Variants in ANKRD33B observed in about 807,000 individuals in gnomAD.
ANKRD33B encodes ankyrin repeat domain 33B, also known as ankyrin repeat domain-containing protein 33B.
Under a neutral mutation model 21.5 loss-of-function variants are expected in ANKRD33B, and 6 were observed. The observed-to-expected ratio is 0.28, with a 90% CI of 0.15 to 0.55. The LOEUF (loss-of-function observed/expected upper bound fraction) is 0.55. Among genes scored for constraint, ANKRD33B ranks in the 20% least tolerant of loss-of-function variants. The pLI is 0.94. For missense variants in ANKRD33B, 698 were observed against 747.2 expected, an observed-to-expected ratio of 0.93 and a Z score of 0.77; for synonymous variants, 347 against 342.4, an observed-to-expected ratio of 1.01 and a Z score of -0.15.
chr5:10,606,701 T>G (rs1303810441), intron 1 of ANKRD33B, among the ~76,000 whole-genome samples: 2 of 149,206 alleles, frequency 1.3e-5, no homozygotes, highest in East Asian at 4.1e-4. Flanking sequence ...GCCACTGCAC[T>G]CCAGCCTGGC....
chr5:10,566,287 G>A (rs1735054915), intron 1 of ANKRD33B, among the ~76,000 whole-genome samples: 1 of 152,176 alleles, frequency 6.6e-6, no homozygotes, highest in Admixed American at 6.5e-5. Context: ...CCCAGCCCTG[G>A]CGACAGATGC....
At chr5:10,648,194 C>T (rs867081075) in intron 3 of ANKRD33B, among the ~76,000 whole-genome samples, 2 of 152,174 alleles carry the variant, frequency 1.3e-5, no homozygotes, top group African/African-American at 4.8e-5. Context: ...TTTTTCTATC[C>T]TGGAAAAGCC....
rs912641806 is a variant in ANKRD33B, at chr5:10,652,348, C to T, written c.*2235C>T. On this transcript the variant is annotated 3_prime_UTR_variant, in exon 4 of 4. Coordinates refer to ENST00000296657, the MANE Select transcript of ANKRD33B (RefSeq NM_001164440.2). The surrounding 1 kb of genome is among the most constrained non-coding windows in gnomAD (Gnocchi z 4.1). The stretch of plus-strand genomic sequence containing the variant: ...CTGCAGCCCGCATTGAGAACCGCAG[C>T]TCTAACACAGTGATTGCGAGAGGAC... The T allele has an allele frequency of 1.3e-5, 2 of 152,472 alleles. No homozygotes were observed. Among genetic ancestry groups the T allele is most frequent in the African/African-American group, 4.8e-5 (2 of 41,468 alleles). 9.4% of individuals were successfully genotyped at this position (152,472 alleles called of 1,614,324 possible).
chr5:10,605,867 T>A (rs146380932), intron 1 of ANKRD33B, among the ~76,000 whole-genome samples: 1 of 152,224 alleles, frequency 6.6e-6, no homozygotes, highest in Admixed American at 6.5e-5. Context: ...GCCTTGCTAG[T>A]TCCTTTAAGT....
At chr5:10,593,877 C>G (rs954366952) in intron 1 of ANKRD33B, among the ~76,000 whole-genome samples, 4 of 152,222 alleles carry the variant, frequency 2.6e-5, no homozygotes, top group African/African-American at 9.6e-5. Context: ...TGCTGCAAGA[C>G]TACTCTTGGC....
At position 10,641,186 on chromosome 5, in the gene ANKRD33B, GTCTTCTTCTTAGTTGTCCCCAGTCT is replaced by G. The variant is rs1737046424; in HGVS notation, c.637+3029_637+3053del. Among the ~76,000 whole-genome samples the G allele has an allele frequency of 2.9e-5, 4 of 139,746 alleles. No homozygotes were observed. The South Asian group carries it at 9.5e-4, about 33-fold the overall frequency. The allele number at this position is 139,746 out of a possible 152,430, so 91.7% of individuals were successfully genotyped here. On this transcript the variant is annotated intron_variant, in intron 3 of 3. Coordinates refer to ENST00000296657, the MANE Select transcript of ANKRD33B (RefSeq NM_001164440.2). The stretch of plus-strand genomic sequence containing the variant: ...CCCTGCTGGGCTCCCACATTTAGTT[GTCTTCTTCTTAGTTGTCCCCAGTCT>G]TCTTCTTCTTCTTCTTTTTTTTTTT...
intron 1 of ANKRD33B, among the ~76,000 whole-genome samples, chr5:10,612,116 A>T (rs1426231968): frequency 6.6e-6 from 1 of 152,208 alleles, no homozygotes; most frequent in Non-Finnish European, 1.5e-5. Context: ...GTGTTGAGGG[A>T]TCTTAGAATT....
intron 1 of ANKRD33B, among the ~76,000 whole-genome samples, chr5:10,590,872 C>T (rs1164336332): frequency 6.6e-6 from 1 of 152,064 alleles, no homozygotes; most frequent in Non-Finnish European, 1.5e-5. Context: ...AGGATTTCCG[C>T]CTTCTTTCTG....
intron 3 of ANKRD33B, among the ~76,000 whole-genome samples, chr5:10,645,403 C>G (rs1045782635): frequency 1.3e-5 from 2 of 152,216 alleles, no homozygotes; most frequent in African/African-American, 4.8e-5. Flanking sequence ...TGGGCCTGGC[C>G]ATGGCTCCCA....
chr5:10,580,006 C>T (rs1017915527), intron 1 of ANKRD33B, among the ~76,000 whole-genome samples: 4 of 152,102 alleles, frequency 2.6e-5, no homozygotes, highest in Non-Finnish European at 5.9e-5. Flanking sequence ...CAGCCCTAAG[C>T]AACCATTAAT....
intron 1 of ANKRD33B, among the ~76,000 whole-genome samples, chr5:10,587,025 T>C (rs1161807078): frequency 6.6e-6 from 1 of 152,038 alleles, no homozygotes; most frequent in Non-Finnish European, 1.5e-5. Context: ...TATTTATTTA[T>C]TTATTTTGAG....
intron 1 of ANKRD33B, among the ~76,000 whole-genome samples, chr5:10,617,409 G>A (rs1350073243): frequency 6.6e-6 from 1 of 152,184 alleles, no homozygotes; most frequent in Non-Finnish European, 1.5e-5. Flanking sequence ...AGCTGCTAGG[G>A]CCGAAACTCT....
chr5:10,588,818 T>C (rs1735620998), intron 1 of ANKRD33B, among the ~76,000 whole-genome samples: 2 of 152,210 alleles, frequency 1.3e-5, no homozygotes, highest in African/African-American at 4.8e-5. Context: ...TCGTATGCCA[T>C]TGGGATGTGG....
At chr5:10,637,027 C>T (rs1435347546) in intron 2 of ANKRD33B, among the ~76,000 whole-genome samples, 1 of 152,180 alleles carries the variant, frequency 6.6e-6, no homozygotes, top group Non-Finnish European at 1.5e-5. Flanking sequence ...AAGAGTCATG[C>T]GGCCCCCTGT....
intron 1 of ANKRD33B, among the ~76,000 whole-genome samples, chr5:10,593,717 A>G (rs539530665): frequency 6.6e-6 from 1 of 151,236 alleles, no homozygotes; most frequent in African/African-American, 2.4e-5. Flanking sequence ...TCAATGACCC[A>G]CTCACTCCCC....
At chr5:10,573,114 T>G (rs1436646023) in intron 1 of ANKRD33B, among the ~76,000 whole-genome samples, 1 of 152,196 alleles carries the variant, frequency 6.6e-6, no homozygotes, top group Non-Finnish European at 1.5e-5. Context: ...ATCTCTGACT[T>G]AGTAGAAATA....
rs140003150 is a variant in ANKRD33B at position 10,634,143 on chromosome 5, T to C, written c.497-3885T>C. ...GATATTATCCCTCATTTTACAGATA[T>C]GGAAAAGCTGACTTCCAAAAGACAC... On this transcript the variant is annotated intron_variant, in intron 2 of 3. Transcript: ENST00000296657. 4.4e-4 allele frequency among the ~76,000 whole-genome samples: 67 copies of C among 152,338 alleles called. 1 individual carries two copies. Among genetic ancestry groups the C allele is most frequent in the East Asian group, 1.7e-3 (9 of 5,190 alleles).
chr5:10,632,017 C>T (rs567121543), intron 2 of ANKRD33B, among the ~76,000 whole-genome samples: 5 of 152,228 alleles, frequency 3.3e-5, no homozygotes, highest in African/African-American at 1.2e-4. Flanking sequence ...GAAAGCCTCA[C>T]GGTTAGCAAG....
At chr5:10,580,112 C>T (rs1420416182) in intron 1 of ANKRD33B, among the ~76,000 whole-genome samples, 1 of 152,186 alleles carries the variant, frequency 6.6e-6, no homozygotes, top group Admixed American at 6.5e-5. Flanking sequence ...ACATTTTCCT[C>T]AGTAAGAGAG....
Sources: allele counts gnomAD v4.1 joint callset (sites outside exome capture counted in the v4.1 genomes callset), GRCh38; gene constraint gnomAD v4.1.1; non-coding constraint Gnocchi (gnomAD v3.1); transcripts MANE v1.5; gene names NCBI Gene and HGNC (gene_info 2026-07-23, HGNC 2026-07-21).